The following DOCK2 variants were observed in gnomAD, a reference collection of about 807,000 sequenced individuals.
DOCK2 encodes the protein dedicator of cytokinesis 2.
Under a neutral mutation model 248.9 loss-of-function variants are expected in DOCK2, and 87 were observed. That is an observed-to-expected ratio of 0.35 (90% CI 0.29 to 0.42). DOCK2 has a LOEUF of 0.42. DOCK2 is among the 10% of genes least tolerant of loss of function. The pLI is 1.00. For synonymous variants in DOCK2, 805 were observed against 821.6 expected (o/e 0.98, Z 0.35); for missense variants, 1,747 against 2,300.2 (o/e 0.76, Z 4.92).
chr5:170,070,785 A>G (rs1342965098), intron 46 of DOCK2, among the ~76,000 whole-genome samples: 1 of 152,186 alleles, frequency 6.6e-6, no homozygotes, highest in African/African-American at 2.4e-5. Context: ...CAGCTTCTCC[A>G]TGCTGTGTTT....
intron 26 of DOCK2, among the ~76,000 whole-genome samples, chr5:169,822,458 A>G (rs544417386): frequency 6.6e-6 from 1 of 152,386 alleles, no homozygotes; most frequent in Non-Finnish European, 1.5e-5. Flanking sequence ...CTCTGGATTA[A>G]GAAACTTACT....
intron 25 of DOCK2, among the ~76,000 whole-genome samples, chr5:169,783,286 A>G (rs1040703851): frequency 6.6e-6 from 1 of 152,190 alleles, no homozygotes; most frequent in Non-Finnish European, 1.5e-5. Context: ...TTTGGCCCCA[A>G]ATGTACAAAG....
chr5:169,715,674 A>G (rs2113543992), intron 19 of DOCK2, among the ~76,000 whole-genome samples: 1 of 151,890 alleles, frequency 6.6e-6, no homozygotes, highest in Non-Finnish European at 1.5e-5. Context: ...TTATCTTAAG[A>G]GTATAGCATA....
At chr5:169,736,745 G>A (rs562573906) in intron 22 of DOCK2, among the ~76,000 whole-genome samples, 91 of 152,300 alleles carry the variant, frequency 6.0e-4, no homozygotes, top group African/African-American at 1.9e-3. Flanking sequence ...CTTACATTCA[G>A]CAACAATGCA....
Position 169,838,210 on chromosome 5 carries a change from C to T in DOCK2, c.2704-2547C>T, listed in dbSNP as rs145443467. On this transcript the variant is annotated intron_variant, in intron 26 of 51. Coordinates refer to ENST00000520908, the MANE Select transcript of DOCK2 (RefSeq NM_004946.3). The stretch of plus-strand genomic sequence containing the variant: ...AAGGTGGATGATGAAACCCCCCAAG[C>T]AGCCACCAGAAATCTCTGATCGTGT... Among the ~76,000 whole-genome samples the T allele has an allele frequency of 1.8e-3, 280 of 152,284 alleles. 4 individuals carry two copies. The East Asian group carries it at 0.026, about 14-fold the overall frequency.
intron 51 of DOCK2, among the ~76,000 whole-genome samples, chr5:170,082,315 A>G (rs1758062653): frequency 6.6e-6 from 1 of 152,120 alleles, no homozygotes; most frequent in Non-Finnish European, 1.5e-5. Context: ...ACAAAATCCT[A>G]CAAATTGAAC....
intron 22 of DOCK2, among the ~76,000 whole-genome samples, chr5:169,725,660 C>T (rs1426568491): frequency 6.7e-6 from 1 of 148,980 alleles, no homozygotes; most frequent in Non-Finnish European, 1.5e-5. Flanking sequence ...CTCCCCCAGC[C>T]CCCAACCCCC....
intron 10 of DOCK2, among the ~76,000 whole-genome samples, chr5:169,696,823 G>GT (rs557131206): frequency 0.014 from 1,909 of 137,124 alleles, 35 homozygotes; most frequent in South Asian, 0.057. Flanking sequence ...TGAGCTCACT[G>GT]TTTTTTTTTT....
chr5:169,855,108 C>G (rs1018302047), intron 27 of DOCK2, among the ~76,000 whole-genome samples: 2 of 152,182 alleles, frequency 1.3e-5, no homozygotes, highest in African/African-American at 4.8e-5. Flanking sequence ...ACTTATCTCC[C>G]CCTAAGCCTC....
chr5:169,846,584 GTA>G (rs371264304), intron 27 of DOCK2, among the ~76,000 whole-genome samples: 6 of 138,366 alleles, frequency 4.3e-5, no homozygotes, highest in East Asian at 2.2e-4. Flanking sequence ...GATAGAAAGT[GTA>G]TATATATATA....
At chr5:169,962,446 C>A (rs1777129487) in intron 27 of DOCK2, among the ~76,000 whole-genome samples, 1 of 152,010 alleles carries the variant, frequency 6.6e-6, no homozygotes, top group South Asian at 2.1e-4. Flanking sequence ...AGAAGAGAAC[C>A]AGATTTGGGG....
At chr5:170,046,668 A>G (rs538816642) in intron 39 of DOCK2, among the ~76,000 whole-genome samples, 28 of 152,270 alleles carry the variant, frequency 1.8e-4, no homozygotes, top group African/African-American at 5.8e-4. Context: ...ATAATACACA[A>G]ATACACACAC....
chr5:169,812,243 A>G (rs1225993146), intron 26 of DOCK2, among the ~76,000 whole-genome samples: 1 of 152,194 alleles, frequency 6.6e-6, no homozygotes, highest in Non-Finnish European at 1.5e-5. Context: ...AAATTCTCAT[A>G]GGAACGCGAA....
At chr5:169,909,937 G>T (rs1201188060) in intron 27 of DOCK2, among the ~76,000 whole-genome samples, 2 of 152,032 alleles carry the variant, frequency 1.3e-5, no homozygotes, top group Non-Finnish European at 2.9e-5. Context: ...ATTGACCCTT[G>T]TGCAGCTTGA....
rs115805888 is a variant in DOCK2, at chr5:169,812,843, C to G, written c.2703+9637C>G. Reference sequence around the variant, plus strand: ...GCTTCCTGGGAGAATGCAAGGCAGGCACTGAGCCTGGAGAGAACTCTGTAG... The same window carrying G: ...GCTTCCTGGGAGAATGCAAGGCAGGGACTGAGCCTGGAGAGAACTCTGTAG... On this transcript the variant is annotated intron_variant, in intron 26 of 51. Transcript: ENST00000520908. Among the ~76,000 whole-genome samples, 796 of 152,360 alleles carry G rather than the reference C, an allele frequency of 5.2e-3. 8 individuals are homozygous for G. Among genetic ancestry groups the G allele is most frequent in the African/African-American group, 0.018 (769 of 41,590 alleles).
intron 6 of DOCK2, among the ~76,000 whole-genome samples, chr5:169,681,192 C>T (rs1483463633): frequency 7.1e-6 from 1 of 140,018 alleles, no homozygotes; most frequent in East Asian, 2.2e-4. Context: ...GGTGCAATCT[C>T]GGCTCGCTGC....
chr5:169,711,102 C>T (rs1209885134), intron 15 of DOCK2, among the ~76,000 whole-genome samples: 22 of 152,232 alleles, frequency 1.4e-4, no homozygotes, highest in Admixed American at 1.4e-3. Flanking sequence ...GGTGGACCTC[C>T]TCAGGCTCAA....
intron 43 of DOCK2, 88 bp downstream of exon 43, chr5:170,056,856 C>A: frequency 8.1e-7 from 1 of 1,235,234 alleles, no homozygotes; most frequent in Non-Finnish European, 1.1e-6. Context: ...TGGGAAGGAA[C>A]TTGATAGAAA....
At chr5:169,969,469 A>G (rs994940106) in intron 27 of DOCK2, among the ~76,000 whole-genome samples, 1 of 152,204 alleles carries the variant, frequency 6.6e-6, no homozygotes, top group African/African-American at 2.4e-5. Context: ...AAAGAAAAAA[A>G]TGAATTGGAC....
Sources: allele counts gnomAD v4.1 joint callset (sites outside exome capture counted in the v4.1 genomes callset), GRCh38; gene constraint gnomAD v4.1.1; transcripts MANE v1.5; gene names NCBI Gene and HGNC (gene_info 2026-07-23, HGNC 2026-07-21).